Variants in ARMH4 observed in about 807,000 individuals in gnomAD.
The protein encoded by ARMH4 is armadillo like helical domain containing 4.
In ARMH4, 49 loss-of-function variants were observed where a neutral mutation model predicts 61.9. The ratio of observed to expected loss-of-function variants is 0.79; its 90% CI spans 0.63 to 1.00. The LOEUF is 1.00. ARMH4 is among the 50% of genes least tolerant of loss of function. The pLI, the probability that ARMH4 is intolerant of heterozygous loss-of-function variation, is 0.00. For missense variants in ARMH4, 934 were observed against 930.0 expected (o/e 1.00, Z -0.06); for synonymous variants, 368 against 341.5 (o/e 1.08, Z -0.85).
chr14:58,074,249 G>C lies in ARMH4; in HGVS notation c.2089+22475C>G, dbSNP rs185159983. On this transcript the variant is annotated intron_variant, in intron 5 of 7. Coordinates refer to ENST00000267485, the MANE Select transcript of ARMH4 (RefSeq NM_001001872.4). ...AGATGATTTCACTGGTTTTTGTCAA[G>C]TTTTTCTATCTGTAACTAACTTATG... 1.0e-3 allele frequency among the ~76,000 whole-genome samples: 159 copies of C among 152,218 alleles called. 1 individual carries two copies. The highest frequency in any genetic ancestry group is 3.5e-3 in the African/African-American group (144 of 41,538).
intron 4 of ARMH4, among the ~76,000 whole-genome samples, chr14:58,128,823 C>T (rs980698972): frequency 6.6e-6 from 1 of 152,154 alleles, no homozygotes; most frequent in Non-Finnish European, 1.5e-5. Flanking sequence ...AAGTCCTGAC[C>T]GGTAGTACCA....
At chr14:58,054,938 T>G (rs931536323) in intron 5 of ARMH4, among the ~76,000 whole-genome samples, 1 of 151,840 alleles carries the variant, frequency 6.6e-6, no homozygotes, top group South Asian at 2.1e-4. Flanking sequence ...TTAATTTCAT[T>G]TGGGTCTGGT....
chr14:58,139,483 A>AC, intron 1 of ARMH4, 69 bp from the exon 2 acceptor site: 1 of 858,258 alleles, frequency 1.2e-6, no homozygotes, highest in Non-Finnish European at 1.8e-6. Context: ...TTTAAATTAA[A>AC]CCATAAGTAA....
At position 58,001,112 on chromosome 14, in the gene ARMH4, G is replaced by T. The variant is rs1175408358; in HGVS notation, c.*3624C>A. Reference sequence around the variant, plus strand: ...CTCAAAGAAGTGCAATCATGCATTTGTCCTTCTGTCACTAGTTTATTTCAC... The same window carrying T: ...CTCAAAGAAGTGCAATCATGCATTTTTCCTTCTGTCACTAGTTTATTTCAC... On this transcript the variant is annotated 3_prime_UTR_variant, in exon 8 of 8. Coordinates refer to ENST00000267485, the MANE Select transcript of ARMH4 (RefSeq NM_001001872.4). 2.0e-5 allele frequency: 3 copies of T among 152,116 alleles called. No individual in the cohort carries two copies. The allele number at this position is 152,116 out of a possible 1,614,324, so 9.4% of individuals were successfully genotyped here. A position where few individuals can be genotyped will look rare whatever the true frequency, so the allele number is the denominator to read the frequency against.
chr14:58,046,523 G>T (rs1221717154), intron 5 of ARMH4, among the ~76,000 whole-genome samples: 1 of 152,152 alleles, frequency 6.6e-6, no homozygotes, highest in Non-Finnish European at 1.5e-5. Context: ...AAATCCCAGG[G>T]CTAGGAAGAA....
At chr14:58,045,290 T>G (rs1412843641) in intron 5 of ARMH4, among the ~76,000 whole-genome samples, 4 of 152,246 alleles carry the variant, frequency 2.6e-5, no homozygotes, top group African/African-American at 9.6e-5. Context: ...CCATAAAAAA[T>G]GATGAGTTCA....
intron 5 of ARMH4, among the ~76,000 whole-genome samples, chr14:58,080,673 C>A (rs8015039): frequency 0.4 from 60,156 of 151,838 alleles, 12,461 homozygotes; most frequent in Non-Finnish European, 0.46. Context: ...TCATTTGTGC[C>A]CCATTGAAGT....
At chr14:58,109,991 C>G (rs1886297330) in intron 4 of ARMH4, among the ~76,000 whole-genome samples, 1 of 152,152 alleles carries the variant, frequency 6.6e-6, no homozygotes, top group African/African-American at 2.4e-5. Context: ...ATAGAACCAT[C>G]AGATCTCATG....
intron 5 of ARMH4, among the ~76,000 whole-genome samples, chr14:58,017,364 T>A (rs1336816516): frequency 2.6e-5 from 4 of 152,156 alleles, no homozygotes; most frequent in East Asian, 1.9e-4. Context: ...GATGACATAA[T>A]CTTATTTGTA....
chr14:58,121,247 C>T (rs1886712100), intron 4 of ARMH4, among the ~76,000 whole-genome samples: 1 of 152,102 alleles, frequency 6.6e-6, no homozygotes, highest in South Asian at 2.1e-4. Context: ...ATAAATAAAA[C>T]CACTGAATAT....
At chr14:58,017,660 T>C (rs1162154848) in intron 5 of ARMH4, among the ~76,000 whole-genome samples, 1 of 152,184 alleles carries the variant, frequency 6.6e-6, no homozygotes, top group African/African-American at 2.4e-5. Context: ...AGATACCCCA[T>C]GTTCACAGAC....
chr14:58,112,866 G>A (rs539003012), intron 4 of ARMH4, among the ~76,000 whole-genome samples: 1 of 152,186 alleles, frequency 6.6e-6, no homozygotes, highest in Non-Finnish European at 1.5e-5. Flanking sequence ...TCCTTTGTAG[G>A]TAATCTTTTT....
intron 5 of ARMH4, among the ~76,000 whole-genome samples, chr14:58,015,658 A>C (rs2141138736): frequency 6.6e-6 from 1 of 152,214 alleles, no homozygotes; most frequent in African/African-American, 2.4e-5. Flanking sequence ...AATAAATATA[A>C]ATTTTATGCA....
At chr14:58,008,155 A>C (rs1882253976) in intron 6 of ARMH4, among the ~76,000 whole-genome samples, 1 of 152,214 alleles carries the variant, frequency 6.6e-6, no homozygotes, top group African/African-American at 2.4e-5. Flanking sequence ...CTGCACAGAG[A>C]TCTGCTTAAA....
chr14:58,108,202 A>G (rs1886231465), intron 4 of ARMH4, among the ~76,000 whole-genome samples: 2 of 152,234 alleles, frequency 1.3e-5, no homozygotes, highest in South Asian at 4.1e-4. Flanking sequence ...TGAAATAACT[A>G]CCACAAAATC....
chr14:58,085,898 G>C (rs1057165801), intron 5 of ARMH4, among the ~76,000 whole-genome samples: 1 of 152,058 alleles, frequency 6.6e-6, no homozygotes, highest in Non-Finnish European at 1.5e-5. Flanking sequence ...TTTCAAACCA[G>C]GAACCTAAAA....
chr14:58,058,550 G>C (rs1244718949), intron 5 of ARMH4, among the ~76,000 whole-genome samples: 3 of 152,140 alleles, frequency 2.0e-5, no homozygotes, highest in African/African-American at 7.2e-5. Context: ...CTCCTTTTTA[G>C]AGCATACGGG....
In ARMH4 at chr14:58,061,930, T is replaced by C. The variant is rs572687375; in HGVS notation, c.2089+34794A>G. ...GGCCCTCTGCTTATGTTATCTCATT[T>C]ACTCCTCACACAAGCCCAATCAGGT... On this transcript the variant is annotated intron_variant, in intron 5 of 7. Coordinates refer to ENST00000267485, the MANE Select transcript of ARMH4 (RefSeq NM_001001872.4). 2.0e-5 allele frequency among the ~76,000 whole-genome samples: 3 copies of C among 152,132 alleles called. No homozygotes were observed. In the South Asian group the frequency reaches 6.2e-4, roughly 32 times the overall value.
chr14:58,123,841 A>G (rs1886811171), intron 4 of ARMH4, among the ~76,000 whole-genome samples: 1 of 152,190 alleles, frequency 6.6e-6, no homozygotes, highest in South Asian at 2.1e-4. Context: ...CGGTACATGG[A>G]TGATTTACTT....
Sources: gnomAD v4.1 joint callset for allele counts (sites outside exome capture counted in the v4.1 genomes callset) on GRCh38, gnomAD v4.1.1 for gene constraint, MANE v1.5 for transcripts, NCBI Gene and HGNC (gene_info 2026-07-23, HGNC 2026-07-21) for gene names.